Variants in ANK2 observed in about 807,000 individuals in gnomAD.
ANK2 encodes ankyrin 2.
A neutral mutation model predicts 360.5 loss-of-function variants in ANK2; 83 were observed. The observed-to-expected ratio is 0.23, with a 90% CI of 0.19 to 0.28. The LOEUF (loss-of-function observed/expected upper bound fraction) is 0.28, where lower values mean the gene tolerates loss of function less well. Among genes scored for constraint, ANK2 ranks in the 10% least tolerant of loss-of-function variants. ANK2 has a pLI of 1.00. For synonymous variants in ANK2, 1,740 were observed against 1,759.5 expected, an observed-to-expected ratio of 0.99 and a Z score of 0.28; for missense variants, 4,201 against 4,795.7, an observed-to-expected ratio of 0.88 and a Z score of 3.66.
chr4:113,373,214 C>T (rs1366197569), intron 44 of ANK2, 41 bp downstream of exon 44: 1 of 1,612,526 alleles, frequency 6.2e-7, no homozygotes, highest in Non-Finnish European at 8.5e-7. Context: ...TTACAAACTT[C>T]CTGTTTAAAA....
At chr4:113,151,596 A>G (rs549456063) in intron 1 of ANK2, among the ~76,000 whole-genome samples, 1 of 152,284 alleles carries the variant, frequency 6.6e-6, no homozygotes, top group Admixed American at 6.5e-5. Flanking sequence ...TCTGCCTCCA[A>G]TATTGGGGAT....
chr4:113,095,664 T>A lies in ANK2; in HGVS notation c.84+45852T>A, dbSNP rs190934322. On this transcript the variant is annotated intron_variant, in intron 1 of 45. Transcript: ENST00000357077. ...CTAGGTTACAATAAGTGAAACAGAT[T>A]TATACCTTTCTGTTTATAAGTATAA... Among the ~76,000 whole-genome samples, 106 of 152,298 alleles carry A rather than the reference T, an allele frequency of 7.0e-4. 5 individuals carry two copies. The East Asian group carries it at 0.018, about 25-fold the overall frequency.
intron 2 of ANK2, among the ~76,000 whole-genome samples, chr4:113,039,924 A>G (rs1013884537): frequency 5.9e-5 from 9 of 152,110 alleles, no homozygotes; most frequent in Admixed American, 3.9e-4. Flanking sequence ...CTTTTTATCA[A>G]TGGGCCCGGA....
At chr4:113,082,427 C>T (rs1581052179) in intron 1 of ANK2, among the ~76,000 whole-genome samples, 1 of 152,162 alleles carries the variant, frequency 6.6e-6, no homozygotes, top group Non-Finnish European at 1.5e-5. Flanking sequence ...GTGTGAGCCA[C>T]CTGGCCCAGC....
chr4:113,115,795 A>G (rs762582466), intron 1 of ANK2, among the ~76,000 whole-genome samples: 2 of 152,196 alleles, frequency 1.3e-5, no homozygotes, highest in African/African-American at 2.4e-5. Context: ...ATCATTTTCT[A>G]GGAGAGCATT....
intron 2 of ANK2, among the ~76,000 whole-genome samples, chr4:113,003,416 AATAATGAATCAAAAATTT>A (rs1228161262): frequency 6.6e-6 from 1 of 152,218 alleles, no homozygotes; most frequent in Non-Finnish European, 1.5e-5. Context: ...AATGAAAAAA[AATAATGAATCAAAAATTT>A]ATTGAAAAAA....
chr4:112,959,495 T>C (rs1242528137), intron 2 of ANK2, among the ~76,000 whole-genome samples: 2 of 152,206 alleles, frequency 1.3e-5, no homozygotes, highest in Non-Finnish European at 2.9e-5. Flanking sequence ...CCTAATTGAA[T>C]TGATGTAAAG....
At chr4:112,885,732 G>A (rs528327596) in intron 1 of ANK2, among the ~76,000 whole-genome samples, 1 of 135,192 alleles carries the variant, frequency 7.4e-6, no homozygotes, top group South Asian at 2.4e-4. Context: ...GGGAGACAGA[G>A]CTTGCAGTGA....
chr4:113,194,620 T>A (rs961244193), intron 2 of ANK2, among the ~76,000 whole-genome samples: 7 of 152,184 alleles, frequency 4.6e-5, no homozygotes, highest in African/African-American at 1.2e-4. Flanking sequence ...CATCTTTTTT[T>A]AAAATCTACC....
At chr4:112,725,300 A>C in the ANK2 span, among the ~76,000 whole-genome samples, 2 of 149,986 alleles carry the variant, frequency 1.3e-5, no homozygotes, top group Non-Finnish European at 3.0e-5. Context: ...AAAAAAAAAA[A>C]AACAGGAAAC....
chr4:112,904,569 G>A, intron 2 of ANK2: 1 of 1,303,974 alleles, frequency 7.7e-7, no homozygotes, highest in Non-Finnish European at 1.1e-6. Context: ...AAGACACGGA[G>A]GTTAGAATGT....
At chr4:112,719,802 CAG>C in the ANK2 span, among the ~76,000 whole-genome samples, 3 of 150,914 alleles carry the variant, frequency 2.0e-5, no homozygotes, top group Non-Finnish European at 4.4e-5. Context: ...AGGCTTCAAA[CAG>C]AAGCTGGTGC....
At chr4:112,848,212 C>T (rs1487521302) in intron 1 of ANK2, among the ~76,000 whole-genome samples, 1 of 152,120 alleles carries the variant, frequency 6.6e-6, no homozygotes, top group Non-Finnish European at 1.5e-5. Flanking sequence ...TCCACCTCCA[C>T]CTCCTGGGTT....
chr4:113,234,527 G>T (rs1019991829), intron 5 of ANK2, among the ~76,000 whole-genome samples: 4 of 151,524 alleles, frequency 2.6e-5, no homozygotes, highest in African/African-American at 9.7e-5. Flanking sequence ...TTCCTTTTTC[G>T]TGCATCATTC....
chr4:112,919,157 A>G (rs995968280), intron 2 of ANK2, among the ~76,000 whole-genome samples: 1 of 152,172 alleles, frequency 6.6e-6, no homozygotes, highest in Non-Finnish European at 1.5e-5. Context: ...CTTTAGCTCC[A>G]TATTGACAAT....
intron 14 of ANK2, among the ~76,000 whole-genome samples, chr4:113,268,327 C>T (rs1262876184): frequency 1.3e-5 from 2 of 152,148 alleles, no homozygotes; most frequent in African/African-American, 4.8e-5. Context: ...TTGTCTTGTG[C>T]AGCTTTTCAA....
rs1176655613 is a variant in ANK2, at chr4:113,382,319, A to T, written c.*848A>T. 1 of 153,648 alleles carries T rather than the reference A, an allele frequency of 6.5e-6. No homozygotes were observed. Among genetic ancestry groups the T allele is most frequent in the African/African-American group, 2.4e-5 (1 of 41,454 alleles). The allele number at this position is 153,648 out of a possible 1,614,324, so 9.5% of individuals were successfully genotyped here. ...TGGCCAGCCATGGCTTAGGACTCCA[A>T]CAGCCACTCTGAGGGAGGGGAGAAG... On this transcript the variant is annotated 3_prime_UTR_variant, in exon 46 of 46. Coordinates refer to ENST00000357077, the MANE Select transcript of ANK2 (RefSeq NM_001148.6).
chr4:112,863,651 T>C (rs1012268290), intron 1 of ANK2, among the ~76,000 whole-genome samples: 3 of 151,370 alleles, frequency 2.0e-5, no homozygotes, highest in Non-Finnish European at 4.4e-5. Context: ...GCCTCCCTAG[T>C]AGCCGGGACT....
the ANK2 span, among the ~76,000 whole-genome samples, chr4:112,760,813 T>A: frequency 1.7e-4 from 26 of 150,524 alleles, no homozygotes; most frequent in Non-Finnish European, 3.4e-4. Flanking sequence ...TTCTTCTTTT[T>A]TTTTTTTTTT....
Sources: allele counts gnomAD v4.1 joint callset (sites outside exome capture counted in the v4.1 genomes callset), GRCh38; gene constraint gnomAD v4.1.1; transcripts MANE v1.5; gene names NCBI Gene and HGNC (gene_info 2026-07-23, HGNC 2026-07-21).